Variants in INTS3 observed in about 807,000 individuals in gnomAD.
INTS3 encodes the protein SOSS complex subunit A.
In INTS3, 34 loss-of-function variants were observed where a neutral mutation model predicts 146.3. That is an observed-to-expected ratio of 0.23 (90% CI 0.18 to 0.31). The LOEUF is 0.31. Among genes scored for constraint, INTS3 ranks in the 10% least tolerant of loss-of-function variants. INTS3 has a pLI of 1.00. For synonymous variants in INTS3, 475 were observed against 494.9 expected (o/e 0.96, Z 0.53); for missense variants, 757 against 1,304.2 (o/e 0.58, Z 6.46).
In INTS3 at chr1:153,741,299, C is replaced by T. The variant is rs1671527059; in HGVS notation, c.249C>T (p.Leu83=). ...DALNAYVCKG[L]PQHEEICLGL... is the part of the protein sequence containing the mutation. ...TCACATTCCAGGTGTGCAAAGGCCT[C>T]CCCCAGCATGAAGAAATCTGCCTGG... Residue 83 remains leucine, a synonymous_variant, in exon 3 of 30, where the codon CTC becomes CTT. Transcript: ENST00000318967. 1 of 1,613,790 alleles carries T rather than the reference C, an allele frequency of 6.2e-7. No homozygotes were observed.
chr1:153,757,420 A>G lies in INTS3; in HGVS notation c.958-152A>G, dbSNP rs1672202025. 3 of 579,508 alleles carry G rather than the reference A, an allele frequency of 5.2e-6. No homozygotes were observed. Among genetic ancestry groups the G allele is most frequent in the South Asian group, 3.2e-5 (1 of 30,922 alleles). 35.9% of individuals were successfully genotyped at this position (579,508 alleles called of 1,614,324 possible). A position where few individuals can be genotyped will look rare whatever the true frequency, so the allele number is the denominator to read the frequency against. On this transcript the variant is annotated intron_variant, in intron 9 of 29. Transcript: ENST00000318967. This position sits in a 1 kb window ranked among gnomAD's most constrained non-coding sequence, Gnocchi z 4.0. ...TTTAATCAAGAAGTTCTCCTAAAGG[A>G]GGGGAGACTTACGAGACAGTATGAG...
In INTS3 at chr1:153,758,022, G is replaced by A. The variant is rs559980911; in HGVS notation, c.1149+259G>A. 5.4e-4 allele frequency among the ~76,000 whole-genome samples: 82 copies of A among 152,206 alleles called. 1 individual carries two copies. Among genetic ancestry groups the A allele is most frequent in the African/African-American group, 1.5e-3 (62 of 41,536 alleles). ...CCCCAAAAGCCTGGGTTTCTGGAGC[G>A]TCCCTGCCTTTTTCATTTTTGCTTC... On this transcript the variant is annotated intron_variant, in intron 10 of 29. Transcript: ENST00000318967.
chr1:153,750,798 AAG>A (rs1671929418), intron 6 of INTS3: 6 of 416,412 alleles, frequency 1.4e-5, no homozygotes, highest in South Asian at 4.9e-5. Flanking sequence ...TGAGTCAACA[AAG>A]AGAGTTATTT....
rs771388328 is a variant in INTS3 at position 153,759,658 on chromosome 1, G to A, written c.1237+45G>A. ...CGGCTCCACTTCCCCATCCCCCTAAGCCCCCACTGCCTTCCTTAGTGATAG... is the reference window on the plus strand; with the variant it reads ...CGGCTCCACTTCCCCATCCCCCTAAACCCCCACTGCCTTCCTTAGTGATAG... On this transcript the variant is annotated intron_variant, in intron 11 of 29. Transcript: ENST00000318967. 6.6e-6 allele frequency: 8 copies of A among 1,206,870 alleles called. No individual in the cohort carries two copies. The Admixed American group carries it at 1.2e-4, about 18-fold the overall frequency. 74.8% of individuals were successfully genotyped at this position (1,206,870 alleles called of 1,614,324 possible). A position where few individuals can be genotyped will look rare whatever the true frequency, so the allele number is the denominator to read the frequency against.
At chr1:153,752,157 G>A (rs1431655600) in intron 7 of INTS3, 122 bp from the exon 8 acceptor site, 1 of 996,070 alleles carries the variant, frequency 1.0e-6, no homozygotes, top group African/African-American at 1.6e-5. Flanking sequence ...AGAAATCATA[G>A]TTTCTTCAAC....
chr1:153,728,646 G>A lies in INTS3; in HGVS notation c.12G>A (p.Gln4=), dbSNP rs771347664. The A allele has an allele frequency of 1.2e-6, 2 of 1,605,952 alleles. No individual in the cohort carries two copies. The part of the protein sequence containing the change: MEL[Q]KGKGAAAAAA... ...TCCTGGCTGCAGCCATGGAGTTGCAGAAGGGAAAAGGGGCGGCAGCAGCAG... is the reference window on the plus strand; with the variant it reads ...TCCTGGCTGCAGCCATGGAGTTGCAAAAGGGAAAAGGGGCGGCAGCAGCAG... Residue 4 remains glutamine, a synonymous_variant, in exon 1 of 30, where the codon CAG becomes CAA. Transcript: ENST00000318967.
At position 153,752,370 on chromosome 1, in the gene INTS3, T is replaced by C. The variant is rs149317013; in HGVS notation, c.821T>C (p.Ile274Thr). The C allele has an allele frequency of 6.2e-7, 1 of 1,613,602 alleles. No homozygotes were observed. The highest frequency in any genetic ancestry group is 2.2e-5 in the East Asian group (1 of 44,874). ...IPEFELLWKD[I>T]IHNPQALSPQ... ...GAATTTGAACTGCTTTGGAAAGATA[T>C]TATCCATAATCCTCAGGCCTTGAGT... Residue 274 changes from isoleucine to threonine, a missense_variant, in exon 8 of 30, where the codon ATT becomes ACT. Physicochemically the swap from Ile to Thr is moderately conservative, Grantham distance 89. Transcript: ENST00000318967.
chr1:153,746,794 C>T (rs938741914), intron 3 of INTS3, 163 bp from the exon 4 acceptor site: 1 of 588,184 alleles, frequency 1.7e-6, no homozygotes. Context: ...ATGCAGGACC[C>T]CTGTGGAAAG....
intron 4 of INTS3, 62 bp downstream of exon 4, chr1:153,747,132 C>T (rs544306051): frequency 2.2e-6 from 3 of 1,368,268 alleles, no homozygotes; most frequent in African/African-American, 1.4e-5. Flanking sequence ...TTCTCTCTGT[C>T]AGGAACGGGA....
intron 9 of INTS3, among the ~76,000 whole-genome samples, chr1:153,756,021 C>G (rs572621061): frequency 1.3e-5 from 2 of 151,616 alleles, no homozygotes; most frequent in Non-Finnish European, 1.5e-5. Context: ...GCCTGGGCAA[C>G]AGAGTGAAAC....
In INTS3 at chr1:153,765,205, G is replaced by A. The variant is rs562351096; in HGVS notation, c.2090+142G>A. 22 of 858,270 alleles carry A rather than the reference G, an allele frequency of 2.6e-5. No individual in the cohort carries two copies. In the South Asian group the frequency reaches 3.3e-4, roughly 13 times the overall value. 53.2% of individuals were successfully genotyped at this position (858,270 alleles called of 1,614,324 possible). A position where few individuals can be genotyped will look rare whatever the true frequency, so the allele number is the denominator to read the frequency against. ...TTTGGTTGAGTTGGTTTGTTTTTAA[G>A]AGACAGCATCTCACTCTGTCACCTG... On this transcript the variant is annotated intron_variant, in intron 20 of 29. Coordinates refer to ENST00000318967, the MANE Select transcript of INTS3 (RefSeq NM_023015.5).
At chr1:153,745,242 C>T (rs1031028749) in intron 3 of INTS3, among the ~76,000 whole-genome samples, 19 of 151,436 alleles carry the variant, frequency 1.3e-4, no homozygotes, top group African/African-American at 4.6e-4. Context: ...CTGCAACCTC[C>T]ACCTCCTGGG....
chr1:153,758,670 G>A (rs1672255553), intron 10 of INTS3, among the ~76,000 whole-genome samples: 1 of 151,230 alleles, frequency 6.6e-6, no homozygotes, highest in Admixed American at 6.6e-5. Flanking sequence ...TTAGCCAAGT[G>A]TGTTGGTGTG....
In INTS3 at chr1:153,772,405, A is replaced by G. The variant is rs796167794; in HGVS notation, c.2786A>G (p.Asn929Ser). The G allele has an allele frequency of 1.2e-6, 2 of 1,614,118 alleles. No homozygotes were observed. The highest frequency in any genetic ancestry group is 1.7e-6 in the Non-Finnish European group (2 of 1,180,032). Residue 929 changes from asparagine (N) to serine (S), a missense_variant, in exon 27 of 30, where the codon AAT becomes AGT. Physicochemically the swap from Asn to Ser is conservative, Grantham distance 46. Transcript: ENST00000318967. The surrounding 1 kb of genome is among the most constrained non-coding windows in gnomAD (Gnocchi z 4.6). ...TLEQILEHLDNLRLNLTNTKQ... is the reference protein window; with the variant it reads ...TLEQILEHLDSLRLNLTNTKQ... ...GAGCAGATCCTGGAGCACTTGGACA[A>G]TCTGCGGCTCAACCTGACCAACACC...
In INTS3 at chr1:153,772,490, A is replaced by G; in HGVS notation, c.2821+50A>G. ...AGTGTAGACGGTGCTGCCCTGGCCC[A>G]GACTATGCCTGGAGCCAGGCTGGGG... On this transcript the variant is annotated intron_variant, in intron 27 of 29. Coordinates refer to ENST00000318967, the MANE Select transcript of INTS3 (RefSeq NM_023015.5). The surrounding 1 kb of genome is among the most constrained non-coding windows in gnomAD (Gnocchi z 4.6). The G allele has an allele frequency of 6.2e-7, 1 of 1,613,732 alleles. No individual in the cohort carries two copies. Among genetic ancestry groups the G allele is most frequent in the South Asian group, 1.1e-5 (1 of 91,062 alleles).
At chr1:153,769,094 T>G (rs1226526891) in intron 22 of INTS3, 133 bp downstream of exon 22, 2 of 717,872 alleles carry the variant, frequency 2.8e-6, no homozygotes, top group Middle Eastern at 3.8e-4. Context: ...GCTACAGTGG[T>G]GTGCGCTTTC....
At position 153,741,338 on chromosome 1, in the gene INTS3, C is replaced by T. The variant is rs1322003106; in HGVS notation, c.288C>T (p.Leu96=). 2 of 1,613,948 alleles carry T rather than the reference C, an allele frequency of 1.2e-6. No individual in the cohort carries two copies. The highest frequency in any genetic ancestry group is 1.3e-5 in the African/African-American group (1 of 74,924). Residue 96 remains leucine (L), a synonymous_variant, in exon 3 of 30, where the codon CTC becomes CTT. Coordinates refer to ENST00000318967, the MANE Select transcript of INTS3 (RefSeq NM_023015.5). ...AAATCTGCCTGGGCCTGTTTACTCT[C>T]ATCCTCACTGAACCTGCCCAAGCCC... ...HEEICLGLFT[L]ILTEPAQAQK...
chr1:153,761,896 T>C (rs1272587505), intron 14 of INTS3, among the ~76,000 whole-genome samples: 3 of 152,266 alleles, frequency 2.0e-5, no homozygotes, highest in African/African-American at 4.8e-5. Flanking sequence ...CTCATCTTTC[T>C]TGTTCTCTTA....
intron 16 of INTS3, 72 bp from the exon 17 acceptor site, chr1:153,763,760 T>A (rs1015553098): frequency 7.0e-6 from 9 of 1,288,272 alleles, no homozygotes; most frequent in Non-Finnish European, 9.0e-6. Flanking sequence ...GCTTGTGCAC[T>A]GTTCTGGGTG....
Sources: allele counts gnomAD v4.1 joint callset (sites outside exome capture counted in the v4.1 genomes callset), GRCh38; gene constraint gnomAD v4.1.1; non-coding constraint Gnocchi (gnomAD v3.1); transcripts MANE v1.5; gene names NCBI Gene and HGNC (gene_info 2026-07-23, HGNC 2026-07-21).